The following IMMP2L variants were observed in gnomAD, a reference collection of about 807,000 sequenced individuals.
The protein encoded by IMMP2L is mitochondrial inner membrane protease subunit 2.
A neutral mutation model predicts 19.3 loss-of-function variants in IMMP2L; 18 were observed. The observed-to-expected ratio is 0.93, with a 90% CI of 0.64 to 1.38. The LOEUF (loss-of-function observed/expected upper bound fraction) is 1.38. Ranked by LOEUF, IMMP2L falls within the 40% of genes most tolerant of loss-of-function variation. IMMP2L has a pLI of 0.00. For synonymous variants in IMMP2L, 76 were observed against 73.0 expected (o/e 1.04, Z -0.21); for missense variants, 233 against 218.2 (o/e 1.07, Z -0.43).
chr7:111,451,713 T>TA (rs779828841), intron 3 of IMMP2L, among the ~76,000 whole-genome samples: 15,615 of 116,644 alleles, frequency 0.13, 1,037 homozygotes, highest in Middle Eastern at 0.2. Flanking sequence ...AAAGTATAAT[T>TA]AAAAAAAAAA....
At chr7:111,112,138 G>C (rs1446227539) in intron 3 of IMMP2L, among the ~76,000 whole-genome samples, 1 of 151,570 alleles carries the variant, frequency 6.6e-6, no homozygotes, top group Non-Finnish European at 1.5e-5. Flanking sequence ...AGTAGAGACG[G>C]AGTATTTTTA....
chr7:110,942,936 T>A (rs1218887710), intron 4 of IMMP2L, among the ~76,000 whole-genome samples: 1 of 151,976 alleles, frequency 6.6e-6, no homozygotes, highest in African/African-American at 2.4e-5. Context: ...TACTTTATTA[T>A]CAAACATGCA....
chr7:111,209,774 CAAGTAT>C (rs1467882638), intron 3 of IMMP2L, among the ~76,000 whole-genome samples: 1 of 152,094 alleles, frequency 6.6e-6, no homozygotes, highest in Non-Finnish European at 1.5e-5. Flanking sequence ...ATTACATATA[CAAGTAT>C]ATCATCAAGA....
chr7:111,176,023 C>T (rs1807020368), intron 3 of IMMP2L, among the ~76,000 whole-genome samples: 1 of 151,922 alleles, frequency 6.6e-6, no homozygotes, highest in African/African-American at 2.4e-5. Flanking sequence ...TGAAAAGGTG[C>T]TCAACATCAC....
intron 5 of IMMP2L, among the ~76,000 whole-genome samples, chr7:110,875,845 G>C (rs929341843): frequency 6.6e-6 from 1 of 152,040 alleles, no homozygotes; most frequent in Non-Finnish European, 1.5e-5. Flanking sequence ...ATCAGGCTTA[G>C]TAATCAAAAA....
intron 3 of IMMP2L, among the ~76,000 whole-genome samples, chr7:111,479,901 A>G (rs1333031120): frequency 6.6e-6 from 1 of 152,144 alleles, no homozygotes; most frequent in Non-Finnish European, 1.5e-5. Flanking sequence ...TATAACTCCT[A>G]TGGTTACATT....
intron 3 of IMMP2L, among the ~76,000 whole-genome samples, chr7:111,378,415 T>G (rs758957590): frequency 1.5e-4 from 23 of 152,012 alleles, no homozygotes; most frequent in Non-Finnish European, 3.1e-4. Context: ...TTTAAATATA[T>G]TTAAGACAAA....
intron 5 of IMMP2L, among the ~76,000 whole-genome samples, chr7:110,667,716 A>G (rs1478615748): frequency 1.3e-5 from 2 of 152,346 alleles, no homozygotes; most frequent in Non-Finnish European, 2.9e-5. Flanking sequence ...CCCTGCTGAC[A>G]TCTTAACTTT....
intron 3 of IMMP2L, among the ~76,000 whole-genome samples, chr7:111,208,351 A>C (rs1226178403): frequency 6.6e-6 from 1 of 152,188 alleles, no homozygotes; most frequent in Non-Finnish European, 1.5e-5. Context: ...TTTACCCATA[A>C]CATACAGAGC....
chr7:111,107,522 G>A (rs1798684325), intron 3 of IMMP2L, among the ~76,000 whole-genome samples: 1 of 151,976 alleles, frequency 6.6e-6, no homozygotes, highest in Admixed American at 6.6e-5. Flanking sequence ...TGTTGAAGAA[G>A]GGGCAATGGA....
intron 3 of IMMP2L, among the ~76,000 whole-genome samples, chr7:111,295,736 A>G (rs1821561283): frequency 5.9e-5 from 9 of 151,828 alleles, no homozygotes; most frequent in Admixed American, 5.9e-4. Context: ...ATATAAAACC[A>G]CCTAGAGATA....
chr7:111,472,814 T>C (rs1841382017), intron 3 of IMMP2L, among the ~76,000 whole-genome samples: 1 of 151,974 alleles, frequency 6.6e-6, no homozygotes, highest in African/African-American at 2.4e-5. Flanking sequence ...AATAGTGCTA[T>C]GCTGAGTGCA....
chr7:111,337,872 C>T (rs930937283), intron 3 of IMMP2L, among the ~76,000 whole-genome samples: 1 of 152,138 alleles, frequency 6.6e-6, no homozygotes, highest in Admixed American at 6.6e-5. Context: ...AAACCAGCAA[C>T]AGCATCAACA....
intron 5 of IMMP2L, among the ~76,000 whole-genome samples, chr7:110,713,293 G>A (rs970029113): frequency 6.6e-6 from 1 of 152,110 alleles, no homozygotes; most frequent in Non-Finnish European, 1.5e-5. Flanking sequence ...CTAGTACCAT[G>A]CTCTTTTGGT....
chr7:110,752,774 T>C (rs1261218339), intron 5 of IMMP2L, among the ~76,000 whole-genome samples: 1 of 151,830 alleles, frequency 6.6e-6, no homozygotes, highest in South Asian at 2.1e-4. Context: ...AAAGAAGAGG[T>C]TGGGTTGACA....
intron 3 of IMMP2L, among the ~76,000 whole-genome samples, chr7:111,250,322 A>G (rs1027914663): frequency 6.6e-5 from 10 of 152,278 alleles, no homozygotes; most frequent in Middle Eastern, 3.4e-3. Flanking sequence ...GAAAATGGCC[A>G]TACTCCCCAA....
chr7:111,016,831 AGTATATAT>A (rs1563163173), intron 3 of IMMP2L, among the ~76,000 whole-genome samples: 5 of 72,648 alleles, frequency 6.9e-5, no homozygotes, highest in Non-Finnish European at 1.2e-4. Flanking sequence ...TATAATATAT[AGTATATAT>A]TATATATAAT....
chr7:110,946,866 G>A (rs959404058), intron 4 of IMMP2L, among the ~76,000 whole-genome samples: 68 of 151,662 alleles, frequency 4.5e-4, no homozygotes, highest in African/African-American at 1.4e-3. Context: ...GACTACAGGC[G>A]CCCGCCACCA....
chr7:111,506,380 C>T (rs1844904356), intron 2 of IMMP2L, among the ~76,000 whole-genome samples: 1 of 151,968 alleles, frequency 6.6e-6, no homozygotes, highest in Admixed American at 6.6e-5. Flanking sequence ...GGGCTCATTC[C>T]ATTCCCCCCA....
Sources: allele counts gnomAD v4.1 joint callset (sites outside exome capture counted in the v4.1 genomes callset), GRCh38; gene constraint gnomAD v4.1.1; transcripts MANE v1.5; gene names NCBI Gene and HGNC (gene_info 2026-07-23, HGNC 2026-07-21).